The following GSTO2 variants were observed in gnomAD, a reference collection of about 807,000 sequenced individuals.
The protein encoded by GSTO2 is glutathione S-transferase omega 2.
A neutral mutation model predicts 28.4 loss-of-function variants in GSTO2; 23 were observed. The observed-to-expected ratio is 0.81, with a 90% CI of 0.58 to 1.15. The LOEUF (loss-of-function observed/expected upper bound fraction) is 1.15. GSTO2 is among the 50% of genes most tolerant of loss of function. GSTO2 has a pLI of 0.00. For synonymous variants in GSTO2, 109 were observed against 111.0 expected (o/e 0.98, Z 0.11); for missense variants, 298 against 297.8 (o/e 1.00, Z 0.00).
At position 104,297,653 on chromosome 10, in the gene GSTO2, T is replaced by G; in HGVS notation, c.544T>G (p.Phe182Val). 1 of 1,613,752 alleles carries G rather than the reference T, an allele frequency of 6.2e-7. No homozygotes were observed. The highest frequency in any genetic ancestry group is 8.5e-7 in the Non-Finnish European group (1 of 1,179,676). ...SMIDYLLWPW[F>V]ERLDVYGILD... ...GATTGATTACCTCCTCTGGCCCTGG[T>G]TTGAGCGGCTGGATGTGTATGGGAT... The change falls in exon 6 of 7, where the codon TTT (phenylalanine) becomes GTT (valine). Residue 182 changes from phenylalanine (F) to valine (V), a missense_variant. Coordinates refer to ENST00000338595, the MANE Select transcript of GSTO2 (RefSeq NM_183239.2).
At chr10:104,276,094 A>G (rs2011621065) in intron 3 of GSTO2, among the ~76,000 whole-genome samples, 1 of 152,278 alleles carries the variant, frequency 6.6e-6, no homozygotes, top group Admixed American at 6.5e-5. Context: ...GAGTGTTGAG[A>G]ATATGTCACT....
At chr10:104,277,801 CT>C in intron 3 of GSTO2, 92 bp from the exon 4 acceptor site, 1 of 817,228 alleles carries the variant, frequency 1.2e-6, no homozygotes, top group Non-Finnish European at 2.0e-6. Flanking sequence ...CAAATTTTAA[CT>C]TTTAAACTGA....
At position 104,284,982 on chromosome 10, in the gene GSTO2, T is replaced by A. The variant is rs559767346; in HGVS notation, c.468+5511T>A. Among the ~76,000 whole-genome samples, 11 of 152,300 alleles carry A rather than the reference T, an allele frequency of 7.2e-5. No homozygotes were observed. The East Asian group carries it at 2.1e-3, about 29-fold the overall frequency. ...AACATAAATAATGCTGAAATAGCCC[T>A]GAGGGATGAGACATGGCCCAGCAAC... On this transcript the variant is annotated intron_variant, in intron 5 of 6. Coordinates refer to ENST00000338595, the MANE Select transcript of GSTO2 (RefSeq NM_183239.2).
intron 5 of GSTO2, among the ~76,000 whole-genome samples, chr10:104,289,064 A>G (rs1254148517): frequency 6.6e-6 from 1 of 152,026 alleles, no homozygotes; most frequent in East Asian, 1.9e-4. Context: ...TTTTCCCCCC[A>G]CACTATCTTA....
intron 1 of GSTO2, among the ~76,000 whole-genome samples, chr10:104,274,404 G>A (rs2011534424): frequency 1.3e-5 from 2 of 152,094 alleles, no homozygotes; most frequent in Admixed American, 1.3e-4. Context: ...TTTCCTAGTT[G>A]CTGTATCATG....
chr10:104,270,139 A>C (rs935804873), intron 1 of GSTO2, among the ~76,000 whole-genome samples: 1 of 151,328 alleles, frequency 6.6e-6, no homozygotes, highest in Non-Finnish European at 1.5e-5. Context: ...TCAGCCTCCC[A>C]AGTAGCTGGG....
At chr10:104,275,595 G>T (rs1335786709) in intron 3 of GSTO2, among the ~76,000 whole-genome samples, 1 of 152,130 alleles carries the variant, frequency 6.6e-6, no homozygotes. Context: ...TGGTGAACTG[G>T]TTCCCTCCCA....
At position 104,304,397 on chromosome 10, in the gene GSTO2, A is replaced by G. The variant is rs1225574179; in HGVS notation, c.*5113A>G. 2 of 152,136 alleles carry G rather than the reference A, an allele frequency of 1.3e-5. No homozygotes were observed. The highest frequency in any genetic ancestry group is 3.8e-4 in the East Asian group (2 of 5,200). 9.4% of individuals were successfully genotyped at this position (152,136 alleles called of 1,614,324 possible). A position where few individuals can be genotyped will look rare whatever the true frequency, so the allele number is the denominator to read the frequency against. ...TCTTTTCTCTTGCAAAGTTCAGATC[A>G]AAATTCTTCTTTATGTAAAGAGAAG... is the stretch of plus-strand genomic sequence containing the variant. On this transcript the variant is annotated 3_prime_UTR_variant, in exon 7 of 7. Transcript: ENST00000338595.
rs1349087838 is a variant in GSTO2, at chr10:104,269,268, C to T, written c.-233C>T. The T allele has an allele frequency of 2.6e-5, 4 of 152,298 alleles. No homozygotes were observed. The highest frequency in any genetic ancestry group is 4.4e-5 in the Non-Finnish European group (3 of 68,106). The allele number at this position is 152,298 out of a possible 1,614,324, so 9.4% of individuals were successfully genotyped here. A position where few individuals can be genotyped will look rare whatever the true frequency, so the allele number is the denominator to read the frequency against. ...CTCGCGGGACCTCTCTCACCGCCAC[C>T]GGTGGGTCCGTTCGGCCTGCGTTGT... On this transcript the variant is annotated splice_region_variant and 5_prime_UTR_variant, in exon 1 of 7. Coordinates refer to ENST00000338595, the MANE Select transcript of GSTO2 (RefSeq NM_183239.2).
At chr10:104,275,361 G>C in intron 3 of GSTO2, 27 bp downstream of exon 3, 2 of 1,609,466 alleles carry the variant, frequency 1.2e-6, no homozygotes, top group South Asian at 1.1e-5. Context: ...CAGAGCCCCC[G>C]AGCAAACCCA....
chr10:104,296,376 A>T (rs1589876551), intron 5 of GSTO2: 1 of 152,138 alleles, frequency 6.6e-6, no homozygotes, highest in African/African-American at 2.4e-5. Flanking sequence ...TATTTCCGGC[A>T]CTGTGGGAGG....
intron 5 of GSTO2, among the ~76,000 whole-genome samples, chr10:104,284,099 C>T (rs1398325844): frequency 2.1e-4 from 32 of 150,586 alleles, no homozygotes; most frequent in Admixed American, 2.1e-3. Context: ...GTGGCTCATG[C>T]CTGCAATCCC....
chr10:104,282,074 G>A (rs1000641132), intron 5 of GSTO2, among the ~76,000 whole-genome samples: 1 of 151,812 alleles, frequency 6.6e-6, no homozygotes, highest in Non-Finnish European at 1.5e-5. Flanking sequence ...TTGATGGTGA[G>A]TAATTGAAGC....
At chr10:104,285,222 A>G (rs2012347379) in intron 5 of GSTO2, among the ~76,000 whole-genome samples, 1 of 152,110 alleles carries the variant, frequency 6.6e-6, no homozygotes, top group Non-Finnish European at 1.5e-5. Context: ...TAAATACTTT[A>G]TTGATTCTAA....
chr10:104,272,909 G>C (rs1166701287), intron 1 of GSTO2, among the ~76,000 whole-genome samples: 1 of 152,082 alleles, frequency 6.6e-6, no homozygotes, highest in Non-Finnish European at 1.5e-5. Context: ...ACCGCACCCG[G>C]CCCAGTTATT....
chr10:104,275,002 G>T, intron 2 of GSTO2, 53 bp downstream of exon 2: 1 of 1,559,348 alleles, frequency 6.4e-7, no homozygotes, highest in African/African-American at 1.4e-5. Flanking sequence ...GACAGAAAAT[G>T]TTGGCTTCGG....
chr10:104,272,152 A>C (rs958507865), intron 1 of GSTO2, among the ~76,000 whole-genome samples: 1 of 152,194 alleles, frequency 6.6e-6, no homozygotes, highest in Non-Finnish European at 1.5e-5. Flanking sequence ...GAGACTGTGC[A>C]TGTGCGGGGG....
chr10:104,280,610 T>C (rs1275019560), intron 5 of GSTO2, among the ~76,000 whole-genome samples: 2 of 152,198 alleles, frequency 1.3e-5, no homozygotes, highest in African/African-American at 4.8e-5. Flanking sequence ...AGGAATACTC[T>C]TTGCCAGTAG....
intron 5 of GSTO2, among the ~76,000 whole-genome samples, chr10:104,279,760 T>A (rs952317118): frequency 2.6e-5 from 4 of 152,144 alleles, no homozygotes; most frequent in African/African-American, 9.7e-5. Flanking sequence ...GCCAATGAGG[T>A]CAAGGTCTGT....
Sources: gnomAD v4.1 joint callset for allele counts (sites outside exome capture counted in the v4.1 genomes callset) on GRCh38, gnomAD v4.1.1 for gene constraint, MANE v1.5 for transcripts, NCBI Gene and HGNC (gene_info 2026-07-23, HGNC 2026-07-21) for gene names.